Variants in GHR observed in about 807,000 individuals in gnomAD.
The protein encoded by GHR is growth hormone receptor.
GHR carries 35 observed loss-of-function variants against 67.1 expected under a neutral mutation model. The ratio of observed to expected loss-of-function variants is 0.52; its 90% CI spans 0.40 to 0.69. The LOEUF (loss-of-function observed/expected upper bound fraction) is 0.69, where lower values mean the gene tolerates loss of function less well. GHR is among the 30% of genes least tolerant of loss of function. GHR has a pLI of 0.00. For synonymous variants in GHR, 272 were observed against 269.1 expected, an observed-to-expected ratio of 1.01 and a Z score of -0.10; for missense variants, 792 against 764.6, an observed-to-expected ratio of 1.04 and a Z score of -0.42.
intron 2 of GHR, among the ~76,000 whole-genome samples, chr5:42,622,638 TA>T (rs1294015684): frequency 6.6e-6 from 1 of 152,214 alleles, no homozygotes; most frequent in Non-Finnish European, 1.5e-5. Flanking sequence ...CCTGTAATTG[TA>T]TAGCTTGGTT....
chr5:42,710,392 A>C (rs921590411), intron 6 of GHR, among the ~76,000 whole-genome samples: 11 of 151,964 alleles, frequency 7.2e-5, no homozygotes, highest in African/African-American at 2.7e-4. Flanking sequence ...GTATAAAAGC[A>C]CATTGAATAA....
intron 1 of GHR, among the ~76,000 whole-genome samples, chr5:42,462,479 A>G (rs1744528229): frequency 6.6e-6 from 1 of 152,240 alleles, no homozygotes; most frequent in Non-Finnish European, 1.5e-5. Context: ...CCTTAATTCA[A>G]ATATAGATTT....
chr5:42,589,058 A>G (rs1751641671), intron 2 of GHR, among the ~76,000 whole-genome samples: 1 of 152,156 alleles, frequency 6.6e-6, no homozygotes, highest in African/African-American at 2.4e-5. Context: ...TCCTATAATG[A>G]TTTGTTCTTA....
At chr5:42,490,457 G>T (rs1225355646) in intron 1 of GHR, among the ~76,000 whole-genome samples, 2 of 152,202 alleles carry the variant, frequency 1.3e-5, no homozygotes, top group Non-Finnish European at 2.9e-5. Flanking sequence ...ATGCCTCTTT[G>T]CTGTGCCCAG....
rs762920560 is a variant in GHR, at chr5:42,695,017, A to C, written c.367A>C (p.Ile123Leu). The C allele has an allele frequency of 1.1e-5, 18 of 1,610,170 alleles. No homozygotes were observed. The highest frequency in any genetic ancestry group is 7.7e-5 in the South Asian group (7 of 90,996). Residue 123 changes from isoleucine (I) to leucine (L), a missense_variant, in exon 5 of 10, where the codon ATA (isoleucine) becomes CTA (leucine). Physicochemically the swap from Ile to Leu is conservative, Grantham distance 5 (BLOSUM62 2). Transcript: ENST00000230882. Reference protein sequence around the residue: ...YFNSSFTSIWIPYCIKLTSNG... With the variant: ...YFNSSFTSIWLPYCIKLTSNG... Reference sequence around the variant, plus strand: ...TAATTCATCGTTTACCTCCATCTGGATACCTTATTGTATCAAGCTAACTAG... The same window carrying C: ...TAATTCATCGTTTACCTCCATCTGGCTACCTTATTGTATCAAGCTAACTAG...
chr5:42,679,705 T>C (rs1300442267), intron 3 of GHR, among the ~76,000 whole-genome samples: 1 of 152,176 alleles, frequency 6.6e-6, no homozygotes, highest in Non-Finnish European at 1.5e-5. Flanking sequence ...CCAAGTGACT[T>C]TGGGCCAGTT....
chr5:42,525,425 T>G (rs1001443681), intron 1 of GHR, among the ~76,000 whole-genome samples: 6 of 152,244 alleles, frequency 3.9e-5, no homozygotes, highest in Non-Finnish European at 5.9e-5. Flanking sequence ...GGAACAGCTG[T>G]ATTTACCCAA....
Position 42,447,213 on chromosome 5 carries a change from C to T in GHR, c.-12+23258C>T, listed in dbSNP as rs546001700. Reference sequence around the variant, plus strand: ...TTGGTTCCACGAATAAGTTCTTTAGCGGTGATGTCTAAGATTGTGGTGCAC... The same window carrying T: ...TTGGTTCCACGAATAAGTTCTTTAGTGGTGATGTCTAAGATTGTGGTGCAC... On this transcript the variant is annotated intron_variant, in intron 1 of 9. Transcript: ENST00000230882. Among the ~76,000 whole-genome samples, 46 of 152,058 alleles carry T rather than the reference C, an allele frequency of 3.0e-4. No homozygotes were observed. The South Asian group carries it at 8.7e-3, about 29-fold the overall frequency.
At chr5:42,593,978 T>G (rs1275388905) in intron 2 of GHR, among the ~76,000 whole-genome samples, 6 of 152,204 alleles carry the variant, frequency 3.9e-5, no homozygotes, top group African/African-American at 1.4e-4. Flanking sequence ...CCCTCAGCCA[T>G]CCTTAGAATA....
At chr5:42,571,202 T>C (rs909158198) in intron 2 of GHR, among the ~76,000 whole-genome samples, 2 of 152,230 alleles carry the variant, frequency 1.3e-5, no homozygotes, top group African/African-American at 4.8e-5. Context: ...GGAGGAAACA[T>C]GCTGAGGCTG....
At chr5:42,525,775 A>T (rs1287459921) in intron 1 of GHR, among the ~76,000 whole-genome samples, 1 of 152,126 alleles carries the variant, frequency 6.6e-6, no homozygotes, top group African/African-American at 2.4e-5. Flanking sequence ...TGTTCTCATG[A>T]TAGTGCATAA....
At chr5:42,532,848 A>T (rs1476816499) in intron 1 of GHR, among the ~76,000 whole-genome samples, 2 of 152,182 alleles carry the variant, frequency 1.3e-5, no homozygotes, top group Non-Finnish European at 2.9e-5. Context: ...ACTAATCAGA[A>T]TTTGAATTGA....
At chr5:42,511,613 G>A (rs1412055497) in intron 1 of GHR, among the ~76,000 whole-genome samples, 2 of 152,010 alleles carry the variant, frequency 1.3e-5, no homozygotes, top group African/African-American at 2.4e-5. Flanking sequence ...TTTTGTTTTT[G>A]TTAGCTGTTA....
At chr5:42,486,102 T>C (rs552766418) in intron 1 of GHR, among the ~76,000 whole-genome samples, 2 of 152,338 alleles carry the variant, frequency 1.3e-5, no homozygotes, top group East Asian at 3.9e-4. Context: ...TGCTCCATTC[T>C]AACAAGCTCC....
intron 3 of GHR, among the ~76,000 whole-genome samples, chr5:42,646,781 C>G (rs183154298): frequency 5.7e-4 from 87 of 152,218 alleles, no homozygotes; most frequent in Non-Finnish European, 9.6e-4. Flanking sequence ...TCTCTGAGAC[C>G]CCATAGTCAC....
chr5:42,535,158 G>GT (rs1234504953), intron 1 of GHR, among the ~76,000 whole-genome samples: 2 of 151,966 alleles, frequency 1.3e-5, no homozygotes, highest in Non-Finnish European at 2.9e-5. Flanking sequence ...AAGCTCTTTA[G>GT]TTTAAGTCCC....
intron 3 of GHR, among the ~76,000 whole-genome samples, chr5:42,678,931 T>G (rs183574153): frequency 6.7e-6 from 1 of 148,822 alleles, no homozygotes; most frequent in African/African-American, 2.4e-5. Context: ...TTAAAACATT[T>G]AAAATATATT....
intron 3 of GHR, among the ~76,000 whole-genome samples, chr5:42,687,754 C>T (rs1454468826): frequency 2.0e-5 from 3 of 151,958 alleles, no homozygotes; most frequent in South Asian, 4.2e-4. Context: ...GACAAAGATA[C>T]TTTAAGATTG....
chr5:42,475,085 C>T lies in GHR; in HGVS notation c.-12+51130C>T, dbSNP rs374684831. ...TTGTAGTAGTGACGGGGTTTCACCACGTTGGCCAGGCTTGTCTGGAACTCC... is the reference window on the plus strand; with the variant it reads ...TTGTAGTAGTGACGGGGTTTCACCATGTTGGCCAGGCTTGTCTGGAACTCC... On this transcript the variant is annotated intron_variant, in intron 1 of 9. Coordinates refer to ENST00000230882, the MANE Select transcript of GHR (RefSeq NM_000163.5). 1.8e-4 allele frequency among the ~76,000 whole-genome samples: 27 copies of T among 151,968 alleles called. 1 individual carries two copies. The East Asian group carries it at 3.7e-3, about 21-fold the overall frequency.
Sources: gnomAD v4.1 joint callset for allele counts (sites outside exome capture counted in the v4.1 genomes callset) on GRCh38, gnomAD v4.1.1 for gene constraint, MANE v1.5 for transcripts, NCBI Gene and HGNC (gene_info 2026-07-23, HGNC 2026-07-21) for gene names.